SLC24A2: variants seen among roughly 807,000 people sequenced by gnomAD.
The protein encoded by SLC24A2 is sodium/potassium/calcium exchanger 2.
In SLC24A2, 36 loss-of-function variants were observed where a neutral mutation model predicts 62.0. The ratio of observed to expected loss-of-function variants is 0.58; its 90% CI spans 0.44 to 0.77. The LOEUF is 0.77. Ranked by LOEUF, SLC24A2 falls within the 30% of genes least tolerant of loss-of-function variation. The pLI is 0.00. For missense variants in SLC24A2, 846 were observed against 817.9 expected (o/e 1.03, Z -0.42); for synonymous variants, 358 against 294.0 (o/e 1.22, Z -2.23).
At position 19,513,184 on chromosome 9, in the gene SLC24A2, A is replaced by ATATATATATATATG. The variant is rs1554665755; in HGVS notation, c.*2968_*2969insCATATATATATATA. 3.2e-5 allele frequency: 3 copies of ATATATATATATATG among 93,446 alleles called. No homozygotes were observed. The highest frequency in any genetic ancestry group is 3.4e-4 in the South Asian group (1 of 2,922). 5.8% of individuals were successfully genotyped at this position (93,446 alleles called of 1,614,324 possible). A position where few individuals can be genotyped will look rare whatever the true frequency, so the allele number is the denominator to read the frequency against. ...TATATATATATATATATGTATATAT[A>ATATATATATATATG]TATATATGTATATATTTATATATGT... On this transcript the variant is annotated 3_prime_UTR_variant, in exon 11 of 11. Transcript: ENST00000341998.
At chr9:19,740,338 A>T (rs1821636129) in intron 2 of SLC24A2, among the ~76,000 whole-genome samples, 2 of 152,210 alleles carry the variant, frequency 1.3e-5, no homozygotes, top group Non-Finnish European at 2.9e-5. Context: ...ATTGTACATC[A>T]ATGGTAGAAT....
At chr9:19,969,563 C>T in the SLC24A2 span, among the ~76,000 whole-genome samples, 46 of 152,268 alleles carry the variant, frequency 3.0e-4, no homozygotes, top group Non-Finnish European at 3.5e-4. Context: ...CAGTAAGTTC[C>T]ACCTTCTAAT....
chr9:20,291,251 G>C, the SLC24A2 span, among the ~76,000 whole-genome samples: 3 of 152,162 alleles, frequency 2.0e-5, no homozygotes, highest in Non-Finnish European at 4.4e-5. Context: ...GAGAGAAATA[G>C]AAAAACAGAG....
the SLC24A2 span, among the ~76,000 whole-genome samples, chr9:20,131,300 G>T: frequency 6.6e-6 from 1 of 152,092 alleles, no homozygotes; most frequent in Non-Finnish European, 1.5e-5. Flanking sequence ...TTCCAGGCCC[G>T]TCTGTGTTTC....
the SLC24A2 span, among the ~76,000 whole-genome samples, chr9:20,050,240 CAAAAAAA>C: frequency 2.1e-3 from 123 of 59,554 alleles, 1 homozygote; most frequent in South Asian, 0.027. Context: ...CCCGTCTCTA[CAAAAAAA>C]AAAAAAAAAA....
At chr9:19,636,309 CTTTTCTTTT>C (rs1564009599) in intron 2 of SLC24A2, among the ~76,000 whole-genome samples, 1,437 of 39,320 alleles carry the variant, frequency 0.037, 116 homozygotes, top group East Asian at 0.12. Flanking sequence ...CTTTTCTTTT[CTTTTCTTTT>C]CTTTCTTTCT....
intron 2 of SLC24A2, among the ~76,000 whole-genome samples, chr9:19,785,492 C>T (rs956957154): frequency 7.9e-5 from 12 of 152,208 alleles, no homozygotes; most frequent in Admixed American, 2.0e-4. Context: ...GTGACACAAA[C>T]TTTCTTCCTC....
At chr9:20,204,290 A>G in the SLC24A2 span, among the ~76,000 whole-genome samples, 74 of 152,206 alleles carry the variant, frequency 4.9e-4, no homozygotes, top group Non-Finnish European at 1.8e-4. Flanking sequence ...GCCACCTTCA[A>G]AGTAACTTAC....
At chr9:19,756,697 A>C (rs1415754725) in intron 2 of SLC24A2, among the ~76,000 whole-genome samples, 1 of 152,038 alleles carries the variant, frequency 6.6e-6, no homozygotes, top group East Asian at 1.9e-4. Flanking sequence ...GGAGCTAAAA[A>C]CCAGATTTTG....
At chr9:19,987,731 C>A in the SLC24A2 span, among the ~76,000 whole-genome samples, 1 of 152,202 alleles carries the variant, frequency 6.6e-6, no homozygotes, top group African/African-American at 2.4e-5. Context: ...CCTGATAATC[C>A]TGCATCACAC....
the SLC24A2 span, among the ~76,000 whole-genome samples, chr9:19,942,651 C>T: frequency 6.6e-6 from 1 of 152,158 alleles, no homozygotes; most frequent in Non-Finnish European, 1.5e-5. Flanking sequence ...TATTTAGCAG[C>T]AAGAAGATAT....
chr9:19,628,111 G>T (rs1158170047), intron 2 of SLC24A2, among the ~76,000 whole-genome samples: 1 of 152,078 alleles, frequency 6.6e-6, no homozygotes, highest in Non-Finnish European at 1.5e-5. Flanking sequence ...TAAGATCCTT[G>T]AGGACAGGAT....
the SLC24A2 span, among the ~76,000 whole-genome samples, chr9:19,922,364 G>A: frequency 1.3e-5 from 2 of 152,110 alleles, no homozygotes; most frequent in Non-Finnish European, 2.9e-5. Flanking sequence ...CAGCCATTTA[G>A]TGTTCTTCTC....
the SLC24A2 span, among the ~76,000 whole-genome samples, chr9:20,075,829 C>T: frequency 6.6e-6 from 1 of 152,182 alleles, no homozygotes; most frequent in Non-Finnish European, 1.5e-5. Context: ...AAAATTAATA[C>T]AGTCATCCCT....
the SLC24A2 span, among the ~76,000 whole-genome samples, chr9:20,003,453 G>A: frequency 6.6e-6 from 1 of 152,066 alleles, no homozygotes; most frequent in Non-Finnish European, 1.5e-5. Flanking sequence ...CCTACATTTT[G>A]GTACAGTAGT....
At chr9:20,238,870 C>G in the SLC24A2 span, among the ~76,000 whole-genome samples, 1 of 152,128 alleles carries the variant, frequency 6.6e-6, no homozygotes, top group Non-Finnish European at 1.5e-5. Context: ...AACTAGTGGC[C>G]TTATAAGAAG....
the SLC24A2 span, among the ~76,000 whole-genome samples, chr9:20,282,421 T>G: frequency 6.6e-6 from 1 of 152,220 alleles, no homozygotes; most frequent in African/African-American, 2.4e-5. Flanking sequence ...ATGTGTCAAG[T>G]GCATTTTACA....
the SLC24A2 span, among the ~76,000 whole-genome samples, chr9:19,809,217 A>G: frequency 3.7e-3 from 556 of 152,302 alleles, 2 homozygotes; most frequent in Non-Finnish European, 7.2e-3. Context: ...TCTTTCTAAT[A>G]TCTATGTATT....
In SLC24A2 at chr9:19,591,136, G is replaced by A. The variant is rs543352724; in HGVS notation, c.1129+6093C>T. 3.9e-5 allele frequency among the ~76,000 whole-genome samples: 6 copies of A among 152,110 alleles called. No individual in the cohort carries two copies. The South Asian group carries it at 8.3e-4, about 21-fold the overall frequency. On this transcript the variant is annotated intron_variant, in intron 5 of 10. Coordinates refer to ENST00000341998, the MANE Select transcript of SLC24A2 (RefSeq NM_020344.4). ...TAGCTAGGTATTATAGTCCAGTTCT[G>A]TAGCTTTTAAATAACACGCATATTT...
Sources: gnomAD v4.1 joint callset for allele counts (sites outside exome capture counted in the v4.1 genomes callset) on GRCh38, gnomAD v4.1.1 for gene constraint, MANE v1.5 for transcripts, NCBI Gene and HGNC (gene_info 2026-07-23, HGNC 2026-07-21) for gene names.